The following EFCAB11 variants were observed in gnomAD, a reference collection of about 807,000 sequenced individuals.
EFCAB11 encodes EF-hand calcium-binding domain-containing protein 11.
A neutral mutation model predicts 23.0 loss-of-function variants in EFCAB11; 14 were observed. The ratio of observed to expected loss-of-function variants is 0.61; its 90% CI spans 0.40 to 0.95. The LOEUF (loss-of-function observed/expected upper bound fraction) is 0.95. Ranked by LOEUF, EFCAB11 falls within the 40% of genes least tolerant of loss-of-function variation. EFCAB11 has a pLI of 0.00. For synonymous variants in EFCAB11, 65 were observed against 66.6 expected, an observed-to-expected ratio of 0.98 and a Z score of 0.11; for missense variants, 198 against 195.8, an observed-to-expected ratio of 1.01 and a Z score of -0.07.
At chr14:89,917,052 TCGTGTG>T (rs1175639677) in intron 5 of EFCAB11, among the ~76,000 whole-genome samples, 3 of 116,794 alleles carry the variant, frequency 2.6e-5, no homozygotes, top group Non-Finnish European at 5.3e-5. Flanking sequence ...CTGACATGCT[TCGTGTG>T]TGTGTGTGTG....
At chr14:89,929,940 T>C (rs1328296794) in intron 5 of EFCAB11, among the ~76,000 whole-genome samples, 2 of 152,184 alleles carry the variant, frequency 1.3e-5, no homozygotes, top group Non-Finnish European at 2.9e-5. Context: ...ACACATAAAG[T>C]TCATCATATT....
intron 5 of EFCAB11, among the ~76,000 whole-genome samples, chr14:89,866,088 C>A (rs1020631808): frequency 3.3e-5 from 5 of 152,106 alleles, no homozygotes; most frequent in Admixed American, 6.5e-5. Flanking sequence ...CCTGGCCTGA[C>A]AAAATTTTTA....
intron 5 of EFCAB11, among the ~76,000 whole-genome samples, chr14:89,916,670 G>T (rs538663958): frequency 6.6e-6 from 1 of 151,934 alleles, no homozygotes; most frequent in Non-Finnish European, 1.5e-5. Flanking sequence ...TCATGTATTC[G>T]TCAAATACTC....
intron 3 of EFCAB11, among the ~76,000 whole-genome samples, chr14:89,935,962 C>T (rs1039686171): frequency 1.3e-5 from 2 of 151,860 alleles, no homozygotes; most frequent in Non-Finnish European, 2.9e-5. Flanking sequence ...GAGCCGAGAT[C>T]GTGCCACTGC....
At chr14:89,867,495 C>T (rs922358090) in intron 5 of EFCAB11, among the ~76,000 whole-genome samples, 1 of 152,132 alleles carries the variant, frequency 6.6e-6, no homozygotes, top group Non-Finnish European at 1.5e-5. Flanking sequence ...GAGAGCCAGC[C>T]CCAGGGAACA....
intron 5 of EFCAB11, among the ~76,000 whole-genome samples, chr14:89,802,516 C>T (rs1010215136): frequency 7.2e-5 from 11 of 152,080 alleles, no homozygotes; most frequent in African/African-American, 2.2e-4. Context: ...CTCAGCCTCC[C>T]GAGTAGCTGG....
chr14:89,800,903 CG>C, intron 5 of EFCAB11, among the ~76,000 whole-genome samples: 1 of 152,000 alleles, frequency 6.6e-6, no homozygotes, highest in African/African-American at 2.4e-5. Context: ...ATTAGACAGG[CG>C]TGGTGGCATG....
intron 5 of EFCAB11, among the ~76,000 whole-genome samples, chr14:89,813,924 TC>T (rs1356508111): frequency 6.6e-6 from 1 of 152,162 alleles, no homozygotes; most frequent in African/African-American, 2.4e-5. Flanking sequence ...GGAATGCAGT[TC>T]CAGGGTGCCC....
intron 5 of EFCAB11, among the ~76,000 whole-genome samples, chr14:89,895,223 C>T (rs1316598030): frequency 1.3e-5 from 2 of 152,130 alleles, no homozygotes; most frequent in African/African-American, 2.4e-5. Context: ...AAAGAATTTT[C>T]TGAAATATCC....
chr14:89,835,236 G>A (rs1164197260), intron 5 of EFCAB11, among the ~76,000 whole-genome samples: 1 of 152,174 alleles, frequency 6.6e-6, no homozygotes, highest in Non-Finnish European at 1.5e-5. Flanking sequence ...GGCCCAGCAT[G>A]TTTACACTGC....
intron 5 of EFCAB11, among the ~76,000 whole-genome samples, chr14:89,819,897 G>C (rs1886454416): frequency 6.6e-6 from 1 of 151,960 alleles, no homozygotes; most frequent in South Asian, 2.1e-4. Context: ...AAATAATTTA[G>C]ATAAAAAATC....
At chr14:89,852,815 A>T (rs140349163) in intron 5 of EFCAB11, among the ~76,000 whole-genome samples, 18 of 152,200 alleles carry the variant, frequency 1.2e-4, no homozygotes, top group African/African-American at 4.1e-4. Flanking sequence ...AAGTCCAGTC[A>T]CATTGCTGTG....
At chr14:89,854,972 G>C (rs1027202348) in intron 5 of EFCAB11, among the ~76,000 whole-genome samples, 4 of 152,068 alleles carry the variant, frequency 2.6e-5, no homozygotes, top group African/African-American at 9.7e-5. Context: ...CTCATTTACT[G>C]AGCTCCAACT....
intron 5 of EFCAB11, among the ~76,000 whole-genome samples, chr14:89,844,577 T>C (rs1444786052): frequency 1.3e-5 from 2 of 152,218 alleles, no homozygotes; most frequent in Non-Finnish European, 2.9e-5. Flanking sequence ...GTGACAATGC[T>C]GCCTGGGGCA....
chr14:89,922,627 G>GT (rs1890055321), intron 5 of EFCAB11, among the ~76,000 whole-genome samples: 1 of 150,556 alleles, frequency 6.6e-6, no homozygotes, highest in Non-Finnish European at 1.5e-5. Context: ...AAAAGCCTGT[G>GT]GTTTTTTTTC....
chr14:89,847,467 C>T (rs919223626), intron 5 of EFCAB11, among the ~76,000 whole-genome samples: 2 of 152,036 alleles, frequency 1.3e-5, no homozygotes, highest in South Asian at 2.1e-4. Context: ...AGACTGGGTG[C>T]GGTGGGTCAT....
chr14:89,871,615 C>T (rs1039851224), intron 5 of EFCAB11, among the ~76,000 whole-genome samples: 5 of 152,260 alleles, frequency 3.3e-5, no homozygotes, highest in South Asian at 2.1e-4. Flanking sequence ...TAATTTGCAC[C>T]TTTTCCTCCC....
At chr14:89,847,260 C>T (rs896748357) in intron 5 of EFCAB11, among the ~76,000 whole-genome samples, 1 of 152,194 alleles carries the variant, frequency 6.6e-6, no homozygotes, top group African/African-American at 2.4e-5. Context: ...TCTCTAAATT[C>T]TTACCTCACC....
Position 89,931,499 on chromosome 14 carries a change from G to T in EFCAB11, c.410+42C>A, listed in dbSNP as rs753833917. ...AGTCAAAAACATGTAAAAGCAAATG[G>T]TAAATCAAAAGGTGGTGTACAGAAG... On this transcript the variant is annotated intron_variant, in intron 5 of 5. Transcript: ENST00000316738. 4.6e-6 allele frequency: 7 copies of T among 1,509,494 alleles called. No individual in the cohort carries two copies. The South Asian group carries it at 7.2e-5, about 16-fold the overall frequency. The allele number at this position is 1,509,494 out of a possible 1,614,324, so 93.5% of individuals were successfully genotyped here.
Sources: allele counts gnomAD v4.1 joint callset (sites outside exome capture counted in the v4.1 genomes callset), GRCh38; gene constraint gnomAD v4.1.1; transcripts MANE v1.5; gene names NCBI Gene and HGNC (gene_info 2026-07-23, HGNC 2026-07-21).